Variants in SACS observed in about 807,000 individuals in gnomAD.
SACS encodes sacsin.
Under a neutral mutation model 348.0 loss-of-function variants are expected in SACS, and 197 were observed. That is an observed-to-expected ratio of 0.57 (90% CI 0.50 to 0.64). SACS has a LOEUF of 0.64. Ranked by LOEUF, SACS falls within the 30% of genes least tolerant of loss-of-function variation. The probability of loss-of-function intolerance (pLI) is 0.00; values close to 1 mark genes in which losing one functional copy is unlikely to be tolerated. For missense variants in SACS, 4,999 were observed against 5,360.8 expected, an observed-to-expected ratio of 0.93 and a Z score of 2.11; for synonymous variants, 1,985 against 1,910.6, an observed-to-expected ratio of 1.04 and a Z score of -1.02.
chr13:23,373,073 T>C (rs1404184271), intron 3 of SACS, among the ~76,000 whole-genome samples: 2 of 151,938 alleles, frequency 1.3e-5, no homozygotes, highest in East Asian at 1.9e-4. Context: ...CACTTCTAAA[T>C]GGCAGGGCTA....
At chr13:23,423,290 GATGTGCTGTCTCACATCACTGA>G (rs1874030347) in intron 1 of SACS, among the ~76,000 whole-genome samples, 1 of 152,144 alleles carries the variant, frequency 6.6e-6, no homozygotes, top group African/African-American at 2.4e-5. Context: ...GAAGCTTTGT[GATGTGCTGTCTCACATCACTGA>G]ATGGAACCTG....
intron 9 of SACS, among the ~76,000 whole-genome samples, chr13:23,351,490 A>C (rs895241415): frequency 6.6e-6 from 1 of 152,162 alleles, no homozygotes; most frequent in African/African-American, 2.4e-5. Context: ...ATAGTTTTAT[A>C]AGGGAAAACC....
chr13:23,417,877 T>C (rs1299941205), intron 1 of SACS, among the ~76,000 whole-genome samples: 1 of 151,908 alleles, frequency 6.6e-6, no homozygotes, highest in East Asian at 1.9e-4. Context: ...GAGACCAACC[T>C]GGGCAACACA....
chr13:23,402,310 T>C (rs894531243), intron 2 of SACS, among the ~76,000 whole-genome samples: 7 of 152,098 alleles, frequency 4.6e-5, no homozygotes, highest in Non-Finnish European at 7.4e-5. Flanking sequence ...ATGACAATGG[T>C]TTTTGTTTGG....
At chr13:23,356,914 C>T (rs1319873044) in intron 7 of SACS, among the ~76,000 whole-genome samples, 1 of 152,188 alleles carries the variant, frequency 6.6e-6, no homozygotes, top group Non-Finnish European at 1.5e-5. Context: ...AATGTTATGT[C>T]CACCAACCAC....
intron 7 of SACS, 89 bp from the exon 8 acceptor site, chr13:23,356,096 G>A: frequency 2.7e-6 from 3 of 1,102,708 alleles, no homozygotes; most frequent in Non-Finnish European, 4.0e-6. Flanking sequence ...AAAAGCATGA[G>A]CCATTAAATG....
Position 23,370,522 on chromosome 13 carries a change from T to C in SACS, c.259+556A>G, listed in dbSNP as rs141574807. Among the ~76,000 whole-genome samples, 278 of 152,334 alleles carry C rather than the reference T, an allele frequency of 1.8e-3. 1 individual carries two copies. Among genetic ancestry groups the C allele is most frequent in the African/African-American group, 5.1e-3 (214 of 41,582 alleles). The stretch of plus-strand genomic sequence containing the variant: ...AAGTTTTTAAGAATACAACACAGTA[T>C]TGTTATTCATGGGCCCTGTACTGTA... On this transcript the variant is annotated intron_variant, in intron 4 of 9. Transcript: ENST00000382292.
Position 23,331,447 on chromosome 13 carries a change from A to G in SACS, c.12429T>C (p.Tyr4143=), listed in dbSNP as rs1193969994. Residue 4143 remains tyrosine (Y), a synonymous_variant, in exon 10 of 10, where the codon TAT becomes TAC. Coordinates refer to ENST00000382292, the MANE Select transcript of SACS (RefSeq NM_014363.6). ...GEKLDSLGVK[Y]DSSEPSKLEL... is the part of the protein sequence containing the mutation. ...CCAGTTTTGATGGCTCCGAAGAGTC[A>G]TATTTCACTCCTAAACTGTCAAGTT... is the stretch of plus-strand genomic sequence containing the variant. 6.8e-6 allele frequency: 11 copies of G among 1,614,074 alleles called. No individual in the cohort carries two copies. The highest frequency in any genetic ancestry group is 5.5e-5 in the South Asian group (5 of 91,080).
Position 23,338,996 on chromosome 13 carries a change from C to T in SACS, c.4880G>A (p.Cys1627Tyr). 1 of 1,613,828 alleles carries T rather than the reference C, an allele frequency of 6.2e-7. No homozygotes were observed. Among genetic ancestry groups the T allele is most frequent in the South Asian group, 1.1e-5 (1 of 91,052 alleles). ...QFKPFIDVFG[C>Y]QLPLTVEAPY... is the part of the protein sequence containing the mutation. Reference sequence around the variant, plus strand: ...TGCTTCTACAGTCAAAGGTAACTGACAGCCAAATACATCTATAAATGGTTT... The same window carrying T: ...TGCTTCTACAGTCAAAGGTAACTGATAGCCAAATACATCTATAAATGGTTT... The change falls in exon 10 of 10, where the codon TGT (cysteine) becomes TAT (tyrosine). Residue 1627 changes from cysteine to tyrosine, a missense_variant. By Grantham distance (194) the Cys-to-Tyr change is radical (BLOSUM62 -2). This residue lies in a region of SACS where 3,156 missense variants were observed against 3,380.1 expected (regional missense o/e 0.93). Coordinates refer to ENST00000382292, the MANE Select transcript of SACS (RefSeq NM_014363.6).
intron 7 of SACS, among the ~76,000 whole-genome samples, chr13:23,356,492 T>A (rs1194573256): frequency 6.6e-6 from 1 of 152,110 alleles, no homozygotes; most frequent in African/African-American, 2.4e-5. Context: ...CCTCAAGGGG[T>A]CTTAACCTCT....
chr13:23,399,290 C>G (rs548671398), intron 2 of SACS, among the ~76,000 whole-genome samples: 1 of 152,244 alleles, frequency 6.6e-6, no homozygotes, highest in African/African-American at 2.4e-5. Flanking sequence ...TCTTTGTTCT[C>G]GAGATCAACT....
Position 23,335,462 on chromosome 13 carries a change from G to A in SACS, c.8414C>T (p.Thr2805Ile), listed in dbSNP as rs772742353. 16 of 1,613,692 alleles carry A rather than the reference G, an allele frequency of 9.9e-6. No homozygotes were observed. Among genetic ancestry groups the A allele is most frequent in the Non-Finnish European group, 1.3e-5 (15 of 1,179,846 alleles). ...TCCTTCAGAGTCCTCAGTATCCATA[G>A]TATAGGTTATTTGTTGAACTGGTAT... is the stretch of plus-strand genomic sequence containing the variant. ...KDIPVQQITY[T>I]MDTEDSEGNL... Residue 2805 changes from threonine (T) to isoleucine (I), a missense_variant, in exon 10 of 10, where the codon ACT (threonine) becomes ATT (isoleucine). Physicochemically the swap from Thr to Ile is moderately conservative, Grantham distance 89. Transcript: ENST00000382292. The surrounding 1 kb of genome is among the most constrained non-coding windows in gnomAD (Gnocchi z 4.7).
intron 2 of SACS, among the ~76,000 whole-genome samples, chr13:23,390,232 A>G (rs988477785): frequency 1.3e-5 from 2 of 152,232 alleles, no homozygotes; most frequent in African/African-American, 4.8e-5. Context: ...ACTAGAAGTA[A>G]GAATAACTTA....
chr13:23,352,494 T>C (rs1288869283), intron 9 of SACS, among the ~76,000 whole-genome samples: 4 of 152,324 alleles, frequency 2.6e-5, no homozygotes, highest in South Asian at 4.1e-4. Flanking sequence ...CTGTGTAATC[T>C]TCTGGTAATC....
chr13:23,372,196 A>G (rs1002278833), intron 3 of SACS, among the ~76,000 whole-genome samples: 3 of 152,222 alleles, frequency 2.0e-5, no homozygotes, highest in Non-Finnish European at 4.4e-5. Flanking sequence ...TACGTGCATG[A>G]AAGTATTTAT....
rs755887073 is a variant in SACS at position 23,335,247 on chromosome 13, T to G, written c.8629A>C (p.Thr2877Pro). 1 of 1,613,890 alleles carries G rather than the reference T, an allele frequency of 6.2e-7. No individual in the cohort carries two copies. Among genetic ancestry groups the G allele is most frequent in the Admixed American group, 1.7e-5 (1 of 59,954 alleles). The change falls in exon 10 of 10, where the codon ACT becomes CCT. Residue 2877 changes from threonine (T) to proline (P), a missense_variant. Physicochemically the swap from Thr to Pro is conservative, Grantham distance 38. Transcript: ENST00000382292. The surrounding 1 kb of genome is among the most constrained non-coding windows in gnomAD (Gnocchi z 4.7). ...CCATTCACATGAAATGGCAGCCCAG[T>G]CTCCAAAGAAAGAGGCAAAAAACAG... ...AFCFLPLSLE[T>P]GLPFHVNGHF... is the part of the protein sequence containing the mutation.
intron 1 of SACS, among the ~76,000 whole-genome samples, chr13:23,420,780 G>T (rs1340327566): frequency 6.6e-6 from 1 of 151,996 alleles, no homozygotes; most frequent in African/African-American, 2.4e-5. Context: ...TTCATCAGGA[G>T]CCCAGGTATC....
chr13:23,333,998 A>G lies in SACS; in HGVS notation c.9878T>C (p.Leu3293Pro). Residue 3293 changes from leucine to proline, a missense_variant, in exon 10 of 10, where the codon CTT becomes CCT. Physicochemically the swap from Leu to Pro is moderately conservative, Grantham distance 98 (BLOSUM62 -3). Around this residue, in one of 6 missense-constraint regions of SACS, gnomAD observed 734 missense variants for 694.0 expected, o/e 1.06. Coordinates refer to ENST00000382292, the MANE Select transcript of SACS (RefSeq NM_014363.6). ...CAGAACATCTCCTTCAGGAACCACA[A>G]GCTGGTTGGCTGAAACAGTAAACTT... ...GTKFTVSANQ[L>P]VVPEGDVLLP... The G allele has an allele frequency of 6.2e-7, 1 of 1,613,908 alleles. No individual in the cohort carries two copies. The highest frequency in any genetic ancestry group is 8.5e-7 in the Non-Finnish European group (1 of 1,179,848).
chr13:23,387,188 G>A (rs1314373278), intron 2 of SACS, among the ~76,000 whole-genome samples: 1 of 151,976 alleles, frequency 6.6e-6, no homozygotes, highest in African/African-American at 2.4e-5. Flanking sequence ...GGCCGGGCGC[G>A]GTGGCTCACG....
Sources: allele counts gnomAD v4.1 joint callset (sites outside exome capture counted in the v4.1 genomes callset), GRCh38; gene constraint gnomAD v4.1.1; regional missense constraint gnomAD v4.1.1; non-coding constraint Gnocchi (gnomAD v3.1); transcripts MANE v1.5; gene names NCBI Gene and HGNC (gene_info 2026-07-23, HGNC 2026-07-21).